The following COL11A1 variants were observed in gnomAD, a reference collection of about 807,000 sequenced individuals.
COL11A1 encodes collagen alpha-1(XI) chain.
A neutral mutation model predicts 265.2 loss-of-function variants in COL11A1; 74 were observed. The ratio of observed to expected loss-of-function variants is 0.28; its 90% CI spans 0.23 to 0.34. The LOEUF is 0.34. Ranked by LOEUF, COL11A1 falls within the 10% of genes least tolerant of loss-of-function variation. The pLI is 1.00. For synonymous variants in COL11A1, 816 were observed against 727.6 expected, an observed-to-expected ratio of 1.12 and a Z score of -1.96; for missense variants, 2,165 against 2,263.6, an observed-to-expected ratio of 0.96 and a Z score of 0.88.
At chr1:102,906,459 G>C (rs1340111817) in intron 54 of COL11A1, among the ~76,000 whole-genome samples, 5 of 152,098 alleles carry the variant, frequency 3.3e-5, no homozygotes, top group Admixed American at 1.3e-4. Flanking sequence ...TCAGATTGGA[G>C]TACAGTAGAA....
intron 48 of COL11A1, 39 bp from the exon 49 acceptor site, chr1:102,920,403 T>C: frequency 6.4e-7 from 1 of 1,557,916 alleles, no homozygotes; most frequent in South Asian, 1.1e-5. Flanking sequence ...TCCATATTCT[T>C]ATTAAAATAA....
At chr1:102,989,728 C>T (rs1663940150) in intron 28 of COL11A1, among the ~76,000 whole-genome samples, 157 bp from the exon 29 acceptor site, 1 of 152,020 alleles carries the variant, frequency 6.6e-6, no homozygotes, top group Non-Finnish European at 1.5e-5. Context: ...TTTCCAACTC[C>T]AGCCACAGAT....
intron 62 of COL11A1, 26 bp downstream of exon 62, chr1:102,888,551 C>G (rs1289944782): frequency 1.2e-6 from 2 of 1,603,168 alleles, no homozygotes; most frequent in Non-Finnish European, 1.7e-6. Flanking sequence ...ACTGTCAGAA[C>G]ATCACTCTTG....
intron 63 of COL11A1, among the ~76,000 whole-genome samples, chr1:102,883,640 C>T (rs1650555004): frequency 6.6e-6 from 1 of 152,038 alleles, no homozygotes; most frequent in Admixed American, 6.6e-5. Flanking sequence ...AAATTGCATG[C>T]ATATTGAAAT....
intron 4 of COL11A1, among the ~76,000 whole-genome samples, chr1:103,068,741 G>A (rs1671343994): frequency 6.6e-6 from 1 of 150,744 alleles, no homozygotes; most frequent in Admixed American, 6.6e-5. Flanking sequence ...AAGGCTATAG[G>A]ATACAAGGTT....
intron 62 of COL11A1, 127 bp downstream of exon 62, chr1:102,888,447 TATA>T: frequency 1.2e-6 from 1 of 802,866 alleles, no homozygotes; most frequent in Non-Finnish European, 2.1e-6. Context: ...ACTTAAATGA[TATA>T]ATGTTTCCTA....
intron 65 of COL11A1, chr1:102,880,162 T>A (rs1189663755): frequency 2.1e-6 from 1 of 469,770 alleles, no homozygotes; most frequent in African/African-American, 1.9e-5. Flanking sequence ...ACTTTATCTC[T>A]AAGTCTTAGT....
chr1:102,982,616 T>A (rs936722778), intron 31 of COL11A1, among the ~76,000 whole-genome samples: 1 of 152,114 alleles, frequency 6.6e-6, no homozygotes, highest in Non-Finnish European at 1.5e-5. Flanking sequence ...ATTTAAATTA[T>A]GCCTGTATTA....
At chr1:102,957,561 A>G (rs1004690377) in intron 41 of COL11A1, among the ~76,000 whole-genome samples, 1 of 152,096 alleles carries the variant, frequency 6.6e-6, no homozygotes, top group African/African-American at 2.4e-5. Flanking sequence ...TCTTGTCATT[A>G]AAAAATCAAC....
At chr1:103,019,594 T>G (rs924681386) in intron 9 of COL11A1, among the ~76,000 whole-genome samples, 2 of 152,108 alleles carry the variant, frequency 1.3e-5, no homozygotes, top group Non-Finnish European at 2.9e-5. Context: ...TATTCCTTTT[T>G]TTTATTATTA....
intron 41 of COL11A1, among the ~76,000 whole-genome samples, chr1:102,948,308 A>C (rs919303374): frequency 1.3e-5 from 2 of 152,064 alleles, no homozygotes; most frequent in African/African-American, 4.8e-5. Flanking sequence ...AAAATGAAGA[A>C]TCTCTGGCTC....
At chr1:102,878,755 C>T (rs550874668) in intron 66 of COL11A1, among the ~76,000 whole-genome samples, 3 of 151,586 alleles carry the variant, frequency 2.0e-5, no homozygotes, top group South Asian at 2.1e-4. Flanking sequence ...GTGATCTGCC[C>T]GCCATGGCTG....
At chr1:103,095,790 G>C (rs1305818077) in intron 1 of COL11A1, among the ~76,000 whole-genome samples, 1 of 151,610 alleles carries the variant, frequency 6.6e-6, no homozygotes, top group Non-Finnish European at 1.5e-5. Context: ...AAAAAAAAAA[G>C]ATAGCTGAAC....
chr1:103,010,368 G>T (rs529652373), intron 14 of COL11A1, among the ~76,000 whole-genome samples: 1 of 152,156 alleles, frequency 6.6e-6, no homozygotes, highest in East Asian at 1.9e-4. Context: ...GAAACAATAT[G>T]ATTTTTTTCT....
At position 102,878,023 on chromosome 1, in the gene COL11A1, C is replaced by A; in HGVS notation, c.5417G>T (p.Gly1806Val). The change falls in exon 67 of 67, where the codon GGC (glycine) becomes GTC (valine). Residue 1806 changes from glycine to valine, a missense_variant. By Grantham distance (109) the Gly-to-Val change is moderately radical (BLOSUM62 -3). Transcript: ENST00000370096. ...GATATGTTCTTTGTCTTAATCTTAGCCAAGAAAACAAACAGGACCAACTTC... is the reference window on the plus strand; with the variant it reads ...GATATGTTCTTTGTCTTAATCTTAGACAAGAAAACAAACAGGACCAACTTC... ...GFEVGPVCFL[G>V] 6.2e-7 allele frequency: 1 copy of A among 1,613,268 alleles called. No individual in the cohort carries two copies. Among genetic ancestry groups the A allele is most frequent in the Non-Finnish European group, 8.5e-7 (1 of 1,179,502 alleles).
At chr1:102,997,979 G>A (rs942691696) in intron 25 of COL11A1, among the ~76,000 whole-genome samples, 1 of 151,752 alleles carries the variant, frequency 6.6e-6, no homozygotes, top group African/African-American at 2.4e-5. Flanking sequence ...GAAAGGTAAG[G>A]TGATAGAAAA....
chr1:103,012,434 T>C lies in COL11A1; in HGVS notation c.1608A>G (p.Leu536=). The change falls in exon 14 of 67, where the codon CTA becomes CTG. Residue 536 remains leucine, a synonymous_variant. Coordinates refer to ENST00000370096, the MANE Select transcript of COL11A1 (RefSeq NM_001854.4). ...CTACCACAGGACCTGGTCTTCCAGT[T>C]AGACCCATTGGGCCAGGTGGGCCTC... The part of the protein sequence containing the change: ...ALRGPPGPMG[L]TGRPGPVGGP... The C allele has an allele frequency of 6.2e-7, 1 of 1,613,456 alleles. No homozygotes were observed. The highest frequency in any genetic ancestry group is 8.5e-7 in the Non-Finnish European group (1 of 1,179,450).
At chr1:103,009,178 C>G (rs1298299398) in intron 14 of COL11A1, among the ~76,000 whole-genome samples, 2 of 152,150 alleles carry the variant, frequency 1.3e-5, no homozygotes, top group African/African-American at 4.8e-5. Flanking sequence ...CTTTGGGAGG[C>G]CAAGGCAGGT....
In COL11A1 at chr1:103,014,534, G is replaced by A. The variant is rs1397407558; in HGVS notation, c.1549C>T (p.Gln517Ter). Reference sequence around the variant, plus strand: ...ACCCGAGCCTGCTGAAGAATAGCTTGAGCCTGAGCTTCCTGAGCAGAGATG... The same window carrying A: ...ACCCGAGCCTGCTGAAGAATAGCTTAAGCCTGAGCTTCCTGAGCAGAGATG... ...PTISAQEAQAQAILQQARIAL... is the reference protein window; with the variant it reads ...PTISAQEAQA The change falls in exon 13 of 67, where the codon CAA becomes TAA. Residue 517 changes from glutamine (Q) to a stop codon, truncating the protein, a stop_gained. Transcript: ENST00000370096. LOFTEE classifies it high-confidence loss of function. 6.2e-7 allele frequency: 1 copy of A among 1,613,690 alleles called. No homozygotes were observed. Among genetic ancestry groups the A allele is most frequent in the Non-Finnish European group, 8.5e-7 (1 of 1,179,736 alleles).
Sources: gnomAD v4.1 joint callset for allele counts (sites outside exome capture counted in the v4.1 genomes callset) on GRCh38, gnomAD v4.1.1 for gene constraint, MANE v1.5 for transcripts, NCBI Gene and HGNC (gene_info 2026-07-23, HGNC 2026-07-21) for gene names.